The following COL27A1 variants were observed in gnomAD, a reference collection of about 807,000 sequenced individuals.
COL27A1 encodes the protein collagen type XXVII alpha 1 chain, also known as collagen alpha-1(XXVII) chain.
A neutral mutation model predicts 251.3 loss-of-function variants in COL27A1; 106 were observed. The observed-to-expected ratio is 0.42, with a 90% CI of 0.36 to 0.50. COL27A1 has a LOEUF of 0.50. Ranked by LOEUF, COL27A1 falls within the 20% of genes least tolerant of loss-of-function variation. The pLI, the probability that COL27A1 is intolerant of heterozygous loss-of-function variation, is 0.00. For synonymous variants in COL27A1, 1,000 were observed against 986.3 expected (o/e 1.01, Z -0.26); for missense variants, 2,325 against 2,522.8 (o/e 0.92, Z 1.68).
Position 114,304,598 on chromosome 9 carries a change from C to A in COL27A1, c.4873-10C>A. ...GGCCACGATACATACCCTGTCTTTT[C>A]CTTGCCCAGCAACAAGATGATCTTG... is the stretch of plus-strand genomic sequence containing the variant. On this transcript the variant is annotated splice_polypyrimidine_tract_variant and intron_variant, in intron 56 of 60. Coordinates refer to ENST00000356083, the MANE Select transcript of COL27A1 (RefSeq NM_032888.4). The A allele has an allele frequency of 6.2e-7, 1 of 1,614,070 alleles. No homozygotes were observed. Among genetic ancestry groups the A allele is most frequent in the Non-Finnish European group, 8.5e-7 (1 of 1,179,976 alleles).
intron 32 of COL27A1, among the ~76,000 whole-genome samples, chr9:114,266,248 C>G (rs954426087): frequency 2.0e-5 from 3 of 152,032 alleles, no homozygotes; most frequent in Non-Finnish European, 4.4e-5. Context: ...AGACATGGAT[C>G]CGAGGTGGAA....
chr9:114,207,814 A>G (rs1255127393), intron 10 of COL27A1, among the ~76,000 whole-genome samples: 1 of 152,156 alleles, frequency 6.6e-6, no homozygotes, highest in African/African-American at 2.4e-5. Flanking sequence ...TGAGCCAATT[A>G]TTTTCTCACC....
At chr9:114,274,740 G>C (rs1287712730) in intron 36 of COL27A1, among the ~76,000 whole-genome samples, 1 of 152,164 alleles carries the variant, frequency 6.6e-6, no homozygotes, top group Non-Finnish European at 1.5e-5. Flanking sequence ...GTTTACTGCT[G>C]TCCGATTCAT....
At chr9:114,204,041 T>C (rs546489994) in intron 7 of COL27A1, among the ~76,000 whole-genome samples, 4 of 152,096 alleles carry the variant, frequency 2.6e-5, no homozygotes, top group African/African-American at 9.6e-5. Flanking sequence ...ATAGAGAGGG[T>C]CTACAGGTTT....
chr9:114,241,834 G>A (rs1393849714), intron 21 of COL27A1, among the ~76,000 whole-genome samples: 1 of 152,236 alleles, frequency 6.6e-6, no homozygotes, highest in East Asian at 1.9e-4. Flanking sequence ...GACACAGTGA[G>A]GCTGAGGTCT....
intron 27 of COL27A1, among the ~76,000 whole-genome samples, chr9:114,257,423 C>G (rs550469764): frequency 1.1e-3 from 172 of 152,086 alleles, no homozygotes; most frequent in African/African-American, 4.0e-3. Context: ...CTCCTGTGTT[C>G]CCTCCGTTCC....
Position 114,301,997 on chromosome 9 carries a change from G to C in COL27A1, c.4846-85G>C, listed in dbSNP as rs910175999. 3.7e-6 allele frequency: 5 copies of C among 1,343,666 alleles called. No homozygotes were observed. The African/African-American group carries it at 7.2e-5, about 19-fold the overall frequency. The allele number at this position is 1,343,666 out of a possible 1,614,324, so 83.2% of individuals were successfully genotyped here. ...CAGCTTGGCAGGTCCTGCATGCTTT[G>C]ATGGTCTCCCTGGTCTCCTGACACC... On this transcript the variant is annotated intron_variant, in intron 55 of 60. Coordinates refer to ENST00000356083, the MANE Select transcript of COL27A1 (RefSeq NM_032888.4).
chr9:114,270,431 A>G (rs1286699692), intron 35 of COL27A1, among the ~76,000 whole-genome samples: 3 of 152,208 alleles, frequency 2.0e-5, no homozygotes, highest in Non-Finnish European at 2.9e-5. Flanking sequence ...AGCACCTTCT[A>G]AATTCGTGAC....
chr9:114,253,003 G>C, intron 27 of COL27A1, 71 bp downstream of exon 27: 1 of 1,221,722 alleles, frequency 8.2e-7, no homozygotes, highest in South Asian at 1.3e-5. Flanking sequence ...GGGTGTGGTG[G>C]CTCACACCTG....
intron 1 of COL27A1, among the ~76,000 whole-genome samples, chr9:114,157,075 AACACACACAC>A (rs150446535): frequency 8.5e-6 from 1 of 117,418 alleles, no homozygotes; most frequent in Admixed American, 9.6e-5. Flanking sequence ...CCCTCACCAC[AACACACACAC>A]ACACACACAC....
At chr9:114,157,097 C>CAA (rs1848172464) in intron 1 of COL27A1, among the ~76,000 whole-genome samples, 1 of 133,746 alleles carries the variant, frequency 7.5e-6, no homozygotes. Context: ...CACACACACA[C>CAA]ACACACATAC....
chr9:114,173,058 G>A (rs1434501412), intron 3 of COL27A1, among the ~76,000 whole-genome samples: 1 of 152,256 alleles, frequency 6.6e-6, no homozygotes, highest in Non-Finnish European at 1.5e-5. Context: ...CTGGGCCCAG[G>A]CCTGCCAGGA....
rs1044978096 is a variant in COL27A1 at position 114,169,526 on chromosome 9, A to G, written c.1908+63A>G. On this transcript the variant is annotated intron_variant, in intron 3 of 60. Coordinates refer to ENST00000356083, the MANE Select transcript of COL27A1 (RefSeq NM_032888.4). ...CAGTGGGGGACTGGGGCATTGGTCA[A>G]GTGGTTGCCCCTAGTAAAGACAGGA... The G allele has an allele frequency of 3.8e-6, 5 of 1,324,222 alleles. No individual in the cohort carries two copies. The Admixed American group carries it at 1.1e-4, about 30-fold the overall frequency. 82.0% of individuals were successfully genotyped at this position (1,324,222 alleles called of 1,614,324 possible).
intron 19 of COL27A1, among the ~76,000 whole-genome samples, chr9:114,239,974 T>A (rs530387721): frequency 6.6e-6 from 1 of 152,316 alleles, no homozygotes; most frequent in South Asian, 2.1e-4. Flanking sequence ...CCTTCCATGT[T>A]ACAACCTTAA....
rs1827860850 is a variant in COL27A1, at chr9:114,290,829, G to A, written c.4388G>A (p.Gly1463Glu). The A allele has an allele frequency of 6.5e-7, 1 of 1,550,328 alleles. No homozygotes were observed. The highest frequency in any genetic ancestry group is 8.7e-7 in the Non-Finnish European group (1 of 1,146,588). The change falls in exon 48 of 61, where the codon GGG becomes GAG. Residue 1463 changes from glycine (G) to glutamate (E), a missense_variant. Coordinates refer to ENST00000356083, the MANE Select transcript of COL27A1 (RefSeq NM_032888.4). The surrounding 1 kb of genome is among the most constrained non-coding windows in gnomAD (Gnocchi z 4.6). The part of the protein sequence containing the change: ...AGQQGEQGDD[G>E]DPGPMGPAGK... ...TAACAGGGGGAGCAGGGAGACGATG[G>A]GGACCCTGGCCCCATGGGCCCTGCT... is the stretch of plus-strand genomic sequence containing the variant.
At chr9:114,163,079 C>G (rs946952960) in intron 2 of COL27A1, among the ~76,000 whole-genome samples, 11 of 151,978 alleles carry the variant, frequency 7.2e-5, no homozygotes, top group Non-Finnish European at 1.6e-4. Context: ...ACTAAAAATA[C>G]AAAAATTAGC....
chr9:114,188,999 T>G (rs1396846225), intron 5 of COL27A1, among the ~76,000 whole-genome samples: 1 of 152,198 alleles, frequency 6.6e-6, no homozygotes, highest in Non-Finnish European at 1.5e-5. Context: ...GTTTGCTTCT[T>G]AAGAGTATTC....
At chr9:114,280,599 G>T (rs1010526275) in intron 37 of COL27A1, among the ~76,000 whole-genome samples, 3 of 152,220 alleles carry the variant, frequency 2.0e-5, no homozygotes, top group African/African-American at 7.2e-5. Flanking sequence ...AGCTGTATGT[G>T]GCTGGAGGCC....
Position 114,206,234 on chromosome 9 carries a change from C to G in COL27A1, c.2224-18C>G. The stretch of plus-strand genomic sequence containing the variant: ...AGCGTCTCCATATGTCCTTGCCCCT[C>G]TGTGTTTTGTGTTTCAGGGGTTACC... On this transcript the variant is annotated intron_variant, in intron 9 of 60. Coordinates refer to ENST00000356083, the MANE Select transcript of COL27A1 (RefSeq NM_032888.4). 6.2e-7 allele frequency: 1 copy of G among 1,613,970 alleles called. No individual in the cohort carries two copies. Among genetic ancestry groups the G allele is most frequent in the South Asian group, 1.1e-5 (1 of 91,062 alleles).
Sources: allele counts gnomAD v4.1 joint callset (sites outside exome capture counted in the v4.1 genomes callset), GRCh38; gene constraint gnomAD v4.1.1; non-coding constraint Gnocchi (gnomAD v3.1); transcripts MANE v1.5; gene names NCBI Gene and HGNC (gene_info 2026-07-23, HGNC 2026-07-21).